MBD5: variants seen among roughly 807,000 people sequenced by gnomAD.
The protein encoded by MBD5 is methyl-CpG binding domain protein 5.
Under a neutral mutation model 117.3 loss-of-function variants are expected in MBD5, and 13 were observed. The observed-to-expected ratio is 0.11, with a 90% CI of 0.07 to 0.18. The LOEUF is 0.18. MBD5 is among the 10% of genes least tolerant of loss of function. The pLI is 1.00. For synonymous variants in MBD5, 727 were observed against 766.4 expected, an observed-to-expected ratio of 0.95 and a Z score of 0.85; for missense variants, 1,879 against 2,093.8, an observed-to-expected ratio of 0.90 and a Z score of 2.00.
At chr2:148,410,737 A>G (rs1705223181) in intron 4 of MBD5, among the ~76,000 whole-genome samples, 1 of 152,244 alleles carries the variant, frequency 6.6e-6, no homozygotes, top group Non-Finnish European at 1.5e-5. Flanking sequence ...GGCATGAGCC[A>G]CTGCACCTGG....
intron 4 of MBD5, among the ~76,000 whole-genome samples, chr2:148,431,915 G>T (rs1217001969): frequency 6.6e-6 from 1 of 152,118 alleles, no homozygotes; most frequent in South Asian, 2.1e-4. Context: ...TGGAATTGCT[G>T]GGTGGAATGG....
intron 3 of MBD5, among the ~76,000 whole-genome samples, chr2:148,287,784 C>G (rs1448898458): frequency 6.6e-6 from 1 of 152,092 alleles, no homozygotes; most frequent in African/African-American, 2.4e-5. Flanking sequence ...CAAACTCACT[C>G]TCACAATAAT....
chr2:148,171,785 C>T (rs938466440), intron 1 of MBD5, among the ~76,000 whole-genome samples: 1 of 152,100 alleles, frequency 6.6e-6, no homozygotes. Context: ...TACAAAAAAT[C>T]AACATACAAA....
chr2:148,252,703 T>C (rs1700495698), intron 3 of MBD5, among the ~76,000 whole-genome samples: 2 of 152,044 alleles, frequency 1.3e-5, no homozygotes, highest in South Asian at 4.2e-4. Context: ...GCATGCACCA[T>C]GATGCCCAGC....
chr2:148,197,271 A>C (rs1434077609), intron 2 of MBD5, among the ~76,000 whole-genome samples: 1 of 152,190 alleles, frequency 6.6e-6, no homozygotes, highest in Non-Finnish European at 1.5e-5. Context: ...CATGTGATGG[A>C]GCAAGTTTTC....
chr2:148,413,958 T>A (rs1705345424), intron 4 of MBD5, among the ~76,000 whole-genome samples: 1 of 151,840 alleles, frequency 6.6e-6, no homozygotes. Flanking sequence ...TGGTATGGTT[T>A]TTTGCCTCTT....
chr2:148,466,611 A>T (rs1226103736), intron 7 of MBD5, among the ~76,000 whole-genome samples: 3 of 152,154 alleles, frequency 2.0e-5, no homozygotes, highest in Non-Finnish European at 2.9e-5. Flanking sequence ...AGTGCCCAAA[A>T]TATTAACGTT....
At chr2:148,259,980 A>G (rs933812786) in intron 3 of MBD5, among the ~76,000 whole-genome samples, 9 of 152,228 alleles carry the variant, frequency 5.9e-5, no homozygotes, top group African/African-American at 2.2e-4. Context: ...TAATCTTCTT[A>G]TTAGCGAGGG....
At chr2:148,459,624 T>C (rs1242097300) in intron 5 of MBD5, among the ~76,000 whole-genome samples, 1 of 152,196 alleles carries the variant, frequency 6.6e-6, no homozygotes, top group East Asian at 1.9e-4. Flanking sequence ...AGAAACAACT[T>C]AAAACTTTTT....
chr2:148,021,968 AAC>A (rs1283696168), intron 1 of MBD5, among the ~76,000 whole-genome samples: 1 of 152,132 alleles, frequency 6.6e-6, no homozygotes, highest in Non-Finnish European at 1.5e-5. Flanking sequence ...AGAATACAAA[AAC>A]AACCCCCTCC....
intron 1 of MBD5, among the ~76,000 whole-genome samples, chr2:148,163,075 T>C (rs529891111): frequency 6.6e-6 from 1 of 152,376 alleles, no homozygotes; most frequent in Non-Finnish European, 1.5e-5. Flanking sequence ...ACCACCAGCA[T>C]GTTAAGATAA....
chr2:148,064,121 C>CTTTTTTTTTTTTTTT, intron 1 of MBD5, among the ~76,000 whole-genome samples: 1 of 126,152 alleles, frequency 7.9e-6, no homozygotes, highest in South Asian at 2.5e-4. Context: ...CACCAGCTGT[C>CTTTTTTTTTTTTTTT]TTTTTTCTTT....
At chr2:148,412,272 T>TTTTGTGTGTGTGTG (rs946184910) in intron 4 of MBD5, among the ~76,000 whole-genome samples, 8 of 144,584 alleles carry the variant, frequency 5.5e-5, no homozygotes, top group African/African-American at 1.8e-4. Context: ...AGTATACTTT[T>TTTTGTGTGTGTGTG]TGTGTGTGTG....
At position 148,206,291 on chromosome 2, in the gene MBD5, G is replaced by A. The variant is rs1441286149; in HGVS notation, c.-830-26954G>A. ...ATTATCATTTAACATTTTACTAAGG[G>A]GAATCAGCCAAGAGAAAAATTAATG... On this transcript the variant is annotated intron_variant, in intron 2 of 13. Coordinates refer to ENST00000642680, the MANE Select transcript of MBD5 (RefSeq NM_001378120.1). Among the ~76,000 whole-genome samples the A allele has an allele frequency of 3.3e-5, 5 of 151,976 alleles. 1 individual carries two copies. Among genetic ancestry groups the A allele is most frequent in the African/African-American group, 1.2e-4 (5 of 41,348 alleles).
chr2:148,194,721 T>A (rs1269374675), intron 2 of MBD5, among the ~76,000 whole-genome samples: 1 of 121,190 alleles, frequency 8.3e-6, no homozygotes, highest in Non-Finnish European at 1.7e-5. Context: ...GTAACTAACC[T>A]GCACAATGTG....
At chr2:148,303,380 A>G (rs994369584) in intron 3 of MBD5, among the ~76,000 whole-genome samples, 3 of 152,228 alleles carry the variant, frequency 2.0e-5, no homozygotes, top group Admixed American at 6.5e-5. Flanking sequence ...GTGTGGCTAC[A>G]TGACAGGCCA....
In MBD5 at chr2:148,482,972, C is replaced by T. The variant is rs1323086274; in HGVS notation, c.2519-138C>T. The T allele has an allele frequency of 6.5e-6, 6 of 916,156 alleles. No individual in the cohort carries two copies. In the Admixed American group the frequency reaches 7.2e-5, roughly 11 times the overall value. 56.8% of individuals were successfully genotyped at this position (916,156 alleles called of 1,614,324 possible). Reference sequence around the variant, plus strand: ...TAACAGATGTCAAGTGATCTGATTACAATTAATCTAGTTACAATCAATGAA... The same window carrying T: ...TAACAGATGTCAAGTGATCTGATTATAATTAATCTAGTTACAATCAATGAA... On this transcript the variant is annotated intron_variant, in intron 8 of 13. Transcript: ENST00000642680.
chr2:148,348,975 C>T (rs1254614446), intron 4 of MBD5, among the ~76,000 whole-genome samples: 2 of 151,906 alleles, frequency 1.3e-5, no homozygotes, highest in Non-Finnish European at 2.9e-5. Flanking sequence ...TCAGGCTCAA[C>T]TAGAAACAGG....
Position 148,127,109 on chromosome 2 carries a change from G to A in MBD5, c.-924-51591G>A, listed in dbSNP as rs139683764. Among the ~76,000 whole-genome samples, 1,385 of 151,832 alleles carry A rather than the reference G, an allele frequency of 9.1e-3. 14 individuals are homozygous for A. Among genetic ancestry groups the A allele is most frequent in the African/African-American group, 0.031 (1,286 of 41,414 alleles). ...TCCTGCCCCAGCTTCCTGAGTAGCT[G>A]GGACTACGGGTGCGTGCCTGGCTAA... On this transcript the variant is annotated intron_variant, in intron 1 of 13. Coordinates refer to ENST00000642680, the MANE Select transcript of MBD5 (RefSeq NM_001378120.1).
Sources: gnomAD v4.1 joint callset for allele counts (sites outside exome capture counted in the v4.1 genomes callset) on GRCh38, gnomAD v4.1.1 for gene constraint, MANE v1.5 for transcripts, NCBI Gene and HGNC (gene_info 2026-07-23, HGNC 2026-07-21) for gene names.